The following KDM4A variants were observed in gnomAD, a reference collection of about 807,000 sequenced individuals.
KDM4A encodes lysine-specific demethylase 4A.
KDM4A carries 23 observed loss-of-function variants against 127.1 expected under a neutral mutation model. The ratio of observed to expected loss-of-function variants is 0.18; its 90% CI spans 0.13 to 0.26. The LOEUF is 0.26. KDM4A is among the 10% of genes least tolerant of loss of function. The pLI, the probability that KDM4A is intolerant of heterozygous loss-of-function variation, is 1.00. For missense variants in KDM4A, 890 were observed against 1,329.1 expected (o/e 0.67, Z 5.14); for synonymous variants, 443 against 466.5 (o/e 0.95, Z 0.65).
chr1:43,652,679 C>CTTTT (rs771216218), intron 1 of KDM4A, among the ~76,000 whole-genome samples: 114 of 118,734 alleles, frequency 9.6e-4, no homozygotes, highest in Non-Finnish European at 1.2e-3. Context: ...TTCTTTCTTT[C>CTTTT]TTTTTTTTTT....
At chr1:43,667,660 G>A in intron 8 of KDM4A, 112 bp from the exon 9 acceptor site, 1 of 1,411,122 alleles carries the variant, frequency 7.1e-7, no homozygotes, top group Non-Finnish European at 9.9e-7. Flanking sequence ...AAACAATCTG[G>A]TTATAAACCA....
intron 1 of KDM4A, among the ~76,000 whole-genome samples, 180 bp from the exon 2 acceptor site, chr1:43,652,957 T>TA (rs1660151712): frequency 6.6e-6 from 1 of 152,228 alleles, no homozygotes; most frequent in Non-Finnish European, 1.5e-5. Context: ...GTGCTGGGAT[T>TA]ACAGGCGTGA....
intron 1 of KDM4A, among the ~76,000 whole-genome samples, chr1:43,652,524 A>AT (rs1025799089): frequency 3.4e-4 from 51 of 151,404 alleles, no homozygotes; most frequent in African/African-American, 1.1e-3. Flanking sequence ...TTTAAAAAAA[A>AT]TTTTTTTTGA....
rs778897739 is a variant in KDM4A, at chr1:43,697,870, A to T, written c.2698A>T (p.Thr900Ser). Residue 900 changes from threonine to serine, a missense_variant, in exon 19 of 22, where the codon ACT (threonine) becomes TCT (serine). Around this residue, in one of 7 missense-constraint regions of KDM4A, gnomAD observed 246 missense variants for 418.4 expected, o/e 0.59. Transcript: ENST00000372396. The part of the protein sequence containing the change: ...ERAKGALQSI[T>S]AGQKVISKHK... The stretch of plus-strand genomic sequence containing the variant: ...TGCCAAGGGGGCCTTGCAAAGCATC[A>T]CTGCAGGCCAGAAAGTCATTAGCAA... The T allele has an allele frequency of 3.9e-5, 63 of 1,613,212 alleles. No homozygotes were observed. The highest frequency in any genetic ancestry group is 5.1e-5 in the Non-Finnish European group (60 of 1,179,816).
At chr1:43,675,014 G>A (rs893337240) in intron 11 of KDM4A, among the ~76,000 whole-genome samples, 1 of 152,166 alleles carries the variant, frequency 6.6e-6, no homozygotes. Flanking sequence ...AGGGGAAGGG[G>A]TCTTCTCTCT....
In KDM4A at chr1:43,653,451, A is replaced by T. The variant is rs1660166191; in HGVS notation, c.138+138A>T. On this transcript the variant is annotated intron_variant, in intron 2 of 21. Transcript: ENST00000372396. ...CTTTAGTGAATGCGGTTCTATTTGC[A>T]AGTTAATTCCCGTTGTTAACATCAG... The T allele has an allele frequency of 6.8e-6, 5 of 730,898 alleles. No homozygotes were observed. In the East Asian group the frequency reaches 1.4e-4, roughly 21 times the overall value. 45.3% of individuals were successfully genotyped at this position (730,898 alleles called of 1,614,324 possible).
chr1:43,690,861 T>G lies in KDM4A; in HGVS notation c.2054T>G (p.Phe685Cys), dbSNP rs1367013138. The G allele has an allele frequency of 1.2e-6, 2 of 1,614,190 alleles. No individual in the cohort carries two copies. Among genetic ancestry groups the G allele is most frequent in the East Asian group, 4.5e-5 (2 of 44,884 alleles). Residue 685 changes from phenylalanine (F) to cysteine (C), a missense_variant, in exon 14 of 22, where the codon TTT becomes TGT. Physicochemically the swap from Phe to Cys is radical, Grantham distance 205. Around this residue, in one of 7 missense-constraint regions of KDM4A, gnomAD observed 389 missense variants for 485.9 expected, o/e 0.80. Coordinates refer to ENST00000372396, the MANE Select transcript of KDM4A (RefSeq NM_014663.3). ...TCCCCTTAGGTTGAATTTGGAGGCT[T>G]TAATCAGAACTGTGGAAATGCTTCA... is the stretch of plus-strand genomic sequence containing the variant. Reference protein sequence around the residue: ...QTYHQVEFGGFNQNCGNASDL... With the variant: ...QTYHQVEFGGCNQNCGNASDL...
intron 11 of KDM4A, among the ~76,000 whole-genome samples, chr1:43,680,370 G>A (rs371587065): frequency 3.9e-5 from 6 of 152,276 alleles, no homozygotes; most frequent in African/African-American, 1.4e-4. Context: ...TGGAAAAGGT[G>A]TCCTCTTCCC....
chr1:43,684,451 C>T (rs12084406), intron 12 of KDM4A, among the ~76,000 whole-genome samples: 2,335 of 152,062 alleles, frequency 0.015, 60 homozygotes, highest in African/African-American at 0.053. Context: ...TGCAGTGAGC[C>T]GAGATGGTGC....
chr1:43,662,376 A>G (rs1973512), intron 4 of KDM4A, among the ~76,000 whole-genome samples: 117,867 of 152,008 alleles, frequency 0.78, 46,520 homozygotes, highest in African/African-American at 0.91. Context: ...TTGGGAGGCC[A>G]AGGCGGGTGG....
intron 11 of KDM4A, among the ~76,000 whole-genome samples, chr1:43,676,481 C>T (rs1304331017): frequency 3.3e-5 from 5 of 151,956 alleles, no homozygotes; most frequent in African/African-American, 4.8e-5. Context: ...CCACCATGCC[C>T]GGCTAATTTT....
rs368052422 is a variant in KDM4A, at chr1:43,671,843, G to A, written c.1702G>A (p.Ala568Thr). The A allele has an allele frequency of 2.0e-5, 31 of 1,581,572 alleles. 1 individual carries two copies. The highest frequency in any genetic ancestry group is 1.4e-4 in the East Asian group (6 of 44,438). The change falls in exon 11 of 22, where the codon GCT becomes ACT. Residue 568 changes from alanine to threonine, a missense_variant. This residue lies in a region of KDM4A where 389 missense variants were observed against 485.9 expected (regional missense o/e 0.80). Coordinates refer to ENST00000372396, the MANE Select transcript of KDM4A (RefSeq NM_014663.3). The stretch of plus-strand genomic sequence containing the variant: ...ATGCACGAGGAAGAAAGGAAGCGCC[G>A]CTAGAAGTTTCAGTGAGCGGGAGCT... ...EPCTRKKGSA[A>T]RSFSERELAE...
chr1:43,670,746 A>G (rs988151331), intron 10 of KDM4A, among the ~76,000 whole-genome samples: 11 of 151,970 alleles, frequency 7.2e-5, no homozygotes, highest in Admixed American at 7.2e-4. Context: ...TATTTTTAGT[A>G]GAGACGGGGT....
chr1:43,687,254 A>C (rs1024541447), intron 12 of KDM4A, among the ~76,000 whole-genome samples: 8 of 152,228 alleles, frequency 5.3e-5, no homozygotes, highest in Admixed American at 2.6e-4. Flanking sequence ...CAGATTAAAC[A>C]TGACTATGAG....
intron 18 of KDM4A, among the ~76,000 whole-genome samples, chr1:43,697,069 G>A (rs183205177): frequency 3.6e-4 from 55 of 152,372 alleles, no homozygotes; most frequent in Middle Eastern, 6.8e-3. Context: ...ACATCAATAA[G>A]TTGACACTGG....
rs1219642037 is a variant in KDM4A, at chr1:43,652,659, T to TTTTC, written c.-39-458_-39-455dup. ...CCACCACACCCCCACCCTAAATTAC[T>TTTTC]TTTCTTTCTTTCTTTCTTTCTTTTT... On this transcript the variant is annotated intron_variant, in intron 1 of 21. Transcript: ENST00000372396. Among the ~76,000 whole-genome samples the TTTTC allele has an allele frequency of 4.7e-3, 683 of 145,436 alleles. 15 individuals are homozygous for TTTTC. The highest frequency in any genetic ancestry group is 0.013 in the African/African-American group (502 of 37,480).
intron 3 of KDM4A, among the ~76,000 whole-genome samples, chr1:43,658,577 C>T (rs1351411837): frequency 1.4e-5 from 2 of 147,396 alleles, no homozygotes; most frequent in African/African-American, 5.1e-5. Flanking sequence ...TATTTAGGCT[C>T]ACTGCAATCT....
chr1:43,661,831 C>T (rs1159400447), intron 4 of KDM4A, among the ~76,000 whole-genome samples: 1 of 151,994 alleles, frequency 6.6e-6, no homozygotes, highest in East Asian at 1.9e-4. Flanking sequence ...GGATATTCCA[C>T]ATTTTTTATG....
intron 3 of KDM4A, among the ~76,000 whole-genome samples, chr1:43,656,665 C>G (rs190828562): frequency 1.3e-4 from 20 of 151,284 alleles, no homozygotes; most frequent in African/African-American, 4.9e-4. Context: ...ATGTTTAGTT[C>G]TCATTTTTCC....
Sources: gnomAD v4.1 joint callset for allele counts (sites outside exome capture counted in the v4.1 genomes callset) on GRCh38, gnomAD v4.1.1 for gene constraint, gnomAD v4.1.1 regional missense constraint, MANE v1.5 for transcripts, NCBI Gene and HGNC (gene_info 2026-07-23, HGNC 2026-07-21) for gene names.